The following ZNF335 variants were observed in gnomAD, a reference collection of about 807,000 sequenced individuals.
The protein encoded by ZNF335 is zinc finger protein 335, also known as NRC-interacting factor 1.
ZNF335 carries 84 observed loss-of-function variants against 145.6 expected under a neutral mutation model. That is an observed-to-expected ratio of 0.58 (90% CI 0.48 to 0.69). ZNF335 has a LOEUF of 0.69. Among genes scored for constraint, ZNF335 ranks in the 30% least tolerant of loss-of-function variants. ZNF335 has a pLI of 0.00. For synonymous variants in ZNF335, 761 were observed against 717.0 expected (o/e 1.06, Z -0.98); for missense variants, 1,865 against 1,809.7 (o/e 1.03, Z -0.55).
chr20:45,954,411 T>C (rs1436832093), intron 17 of ZNF335, among the ~76,000 whole-genome samples: 1 of 152,216 alleles, frequency 6.6e-6, no homozygotes, highest in African/African-American at 2.4e-5. Flanking sequence ...CTTATTCCAG[T>C]TGGCTTCAAA....
Position 45,952,262 on chromosome 20 carries a change from G to C in ZNF335, c.3074C>G (p.Ala1025Gly). 1.2e-6 allele frequency: 2 copies of C among 1,613,454 alleles called. No individual in the cohort carries two copies. The highest frequency in any genetic ancestry group is 1.7e-6 in the Non-Finnish European group (2 of 1,180,034). ...CTCAGCTCGGCCAGGGAAGGCCTCG[G>C]CACAGATCTTGCAGGAAAACTTCTT... ...ASKKFSCKICAEAFPGRAEME... is the reference protein window; with the variant it reads ...ASKKFSCKICGEAFPGRAEME... Residue 1025 changes from alanine (A) to glycine (G), a missense_variant, in exon 20 of 28, where the codon GCC becomes GGC. By Grantham distance (60) the Ala-to-Gly change is moderately conservative. Transcript: ENST00000322927.
In ZNF335 at chr20:45,963,657, G is replaced by A. The variant is rs749253404; in HGVS notation, c.1356-7C>T. 18 of 1,614,024 alleles carry A rather than the reference G, an allele frequency of 1.1e-5. No homozygotes were observed. Among genetic ancestry groups the A allele is most frequent in the Non-Finnish European group, 1.5e-5 (18 of 1,179,860 alleles). On this transcript the variant is annotated splice_region_variant and splice_polypyrimidine_tract_variant and intron_variant, in intron 8 of 27. Transcript: ENST00000322927. Reference sequence around the variant, plus strand: ...GGGCGACTTGTAATAGTACCTGCAGGATGAGAGTGTGGCGGAAAGGTCTGG... The same window carrying A: ...GGGCGACTTGTAATAGTACCTGCAGAATGAGAGTGTGGCGGAAAGGTCTGG...
At chr20:45,959,486 C>T (rs1600533089) in intron 14 of ZNF335, 53 bp from the exon 15 acceptor site, 2 of 1,300,760 alleles carry the variant, frequency 1.5e-6, no homozygotes, top group Non-Finnish European at 2.0e-6. Flanking sequence ...AGCCTACCCC[C>T]TCCAGGAATC....
chr20:45,969,652 G>T lies in ZNF335; in HGVS notation c.241C>A (p.Pro81Thr), dbSNP rs1475230298. The change falls in exon 3 of 28, where the codon CCT becomes ACT. Residue 81 changes from proline to threonine, a missense_variant. Coordinates refer to ENST00000322927, the MANE Select transcript of ZNF335 (RefSeq NM_022095.4). ...SESSSSADPL[P>T]NSYLPDSSSV... ...GATGAATCAGGGAGGTAGCTATTAG[G>T]CAGGGGGTCTGCGCTCGAGCTGCTC... The T allele has an allele frequency of 1.7e-5, 28 of 1,612,194 alleles. No individual in the cohort carries two copies. Among genetic ancestry groups the T allele is most frequent in the Non-Finnish European group, 2.3e-5 (27 of 1,179,304 alleles).
chr20:45,963,473 C>G lies in ZNF335; in HGVS notation c.1533G>C (p.Lys511Asn). 1 of 1,610,664 alleles carries G rather than the reference C, an allele frequency of 6.2e-7. No individual in the cohort carries two copies. The highest frequency in any genetic ancestry group is 8.5e-7 in the Non-Finnish European group (1 of 1,177,240). Residue 511 changes from lysine to asparagine, a missense_variant and splice_region_variant, in exon 9 of 28, where the codon AAG becomes AAC. By Grantham distance (94) the Lys-to-Asn change is moderately conservative (BLOSUM62 0). Coordinates refer to ENST00000322927, the MANE Select transcript of ZNF335 (RefSeq NM_022095.4). ...CCCCAAGCCTCTTTGGCTCCCGCAC[C>G]TTGAGCGAGGACCAGCGGCGGGAAC... ...SYRSRRWSSL[K>N]EHMFNHVGSK... is the part of the protein sequence containing the mutation.
At position 45,960,055 on chromosome 20, in the gene ZNF335, G is replaced by A. The variant is rs6130979; in HGVS notation, c.2020+153C>T. On this transcript the variant is annotated intron_variant, in intron 14 of 27. Transcript: ENST00000322927. Reference sequence around the variant, plus strand: ...CCCAGGCTCAGGTTAGGGTGAATACGCCTATGGGAAATTCTCTTTACACTT... The same window carrying A: ...CCCAGGCTCAGGTTAGGGTGAATACACCTATGGGAAATTCTCTTTACACTT... 2.8e-4 allele frequency among the ~76,000 whole-genome samples: 42 copies of A among 152,334 alleles called. 1 individual carries two copies. In the East Asian group the frequency reaches 6.4e-3, roughly 23 times the overall value.
chr20:45,971,764 A>G, intron 1 of ZNF335: 9 of 985,374 alleles, frequency 9.1e-6, no homozygotes, highest in Non-Finnish European at 1.1e-5. Flanking sequence ...CCAGTGGTTC[A>G]GCCCTTCGGC....
chr20:45,950,189 G>A, intron 22 of ZNF335, 30 bp downstream of exon 22: 3 of 1,559,524 alleles, frequency 1.9e-6, no homozygotes, highest in Non-Finnish European at 2.6e-6. Flanking sequence ...CTACCCTGTT[G>A]CCCACCCTGT....
At chr20:45,954,709 G>A (rs1568810767) in intron 17 of ZNF335, among the ~76,000 whole-genome samples, 2 of 149,076 alleles carry the variant, frequency 1.3e-5, no homozygotes, top group Non-Finnish European at 1.5e-5. Context: ...CTTTAGAAAG[G>A]AATAAAATGG....
At chr20:45,952,019 T>A in intron 20 of ZNF335, 128 bp downstream of exon 20, 1 of 1,365,750 alleles carries the variant, frequency 7.3e-7, no homozygotes, top group Non-Finnish European at 9.7e-7. Flanking sequence ...CGGAGTCATC[T>A]CTGACCCATC....
chr20:45,965,572 G>C (rs1443573614), intron 7 of ZNF335, 56 bp downstream of exon 7: 1 of 1,547,498 alleles, frequency 6.5e-7, no homozygotes. Context: ...AGACAAGCAG[G>C]GAGAGAGGCC....
rs759141702 is a variant in ZNF335, at chr20:45,967,821, GCAC to G, written c.724_726del (p.Val242del). ...TGGCACATCTTGCATTTGAACTGCT[GCAC>G]CACCACCACCTCCATCATGGCCTCC... On this transcript the variant is annotated inframe_deletion, in exon 5 of 28. Coordinates refer to ENST00000322927, the MANE Select transcript of ZNF335 (RefSeq NM_022095.4). The G allele has an allele frequency of 6.8e-6, 11 of 1,613,492 alleles. No homozygotes were observed. The Admixed American group carries it at 1.0e-4, about 15-fold the overall frequency.
intron 10 of ZNF335, 55 bp from the exon 11 acceptor site, chr20:45,960,937 C>A (rs1446827419): frequency 5.6e-6 from 9 of 1,607,238 alleles, no homozygotes; most frequent in East Asian, 2.2e-5. Context: ...CCACTCTAGA[C>A]CCTCTCACAC....
At position 45,969,666 on chromosome 20, in the gene ZNF335, C is replaced by T. The variant is rs1396569306; in HGVS notation, c.227G>A (p.Ser76Asn). The change falls in exon 3 of 28, where the codon AGC becomes AAC. Residue 76 changes from serine to asparagine, a missense_variant. Transcript: ENST00000322927. ...SQEEVSESSS[S>N]ADPLPNSYLP... is the part of the protein sequence containing the mutation. ...GTAGCTATTAGGCAGGGGGTCTGCG[C>T]TCGAGCTGCTCTCAGATACCTCCTC... 2 of 1,611,906 alleles carry T rather than the reference C, an allele frequency of 1.2e-6. No homozygotes were observed. The highest frequency in any genetic ancestry group is 1.7e-6 in the Non-Finnish European group (2 of 1,179,154).
intron 1 of ZNF335, chr20:45,971,879 G>T: frequency 1.0e-6 from 1 of 985,356 alleles, no homozygotes; most frequent in South Asian, 4.7e-5. Flanking sequence ...TGACAGCGAC[G>T]GTCTCGGGGC....
At chr20:45,968,184 A>G (rs2145416534) in intron 4 of ZNF335, 101 bp downstream of exon 4, 2 of 1,506,236 alleles carry the variant, frequency 1.3e-6, no homozygotes, top group East Asian at 2.3e-5. Flanking sequence ...AGAGCAGTGG[A>G]TACCCAGCCA....
At position 45,949,151 on chromosome 20, in the gene ZNF335, T is replaced by G; in HGVS notation, c.3901+19A>C. 6.2e-7 allele frequency: 1 copy of G among 1,613,584 alleles called. No homozygotes were observed. The highest frequency in any genetic ancestry group is 8.5e-7 in the Non-Finnish European group (1 of 1,179,928). On this transcript the variant is annotated intron_variant, in intron 27 of 27. Coordinates refer to ENST00000322927, the MANE Select transcript of ZNF335 (RefSeq NM_022095.4). ...GGGTCCATACCCAGCCCCATGCTCC[T>G]CAGGATCCAGCTCCATACCTGTGAC...
At chr20:45,952,963 G>A (rs556483600) in intron 18 of ZNF335, among the ~76,000 whole-genome samples, 1 of 151,892 alleles carries the variant, frequency 6.6e-6, no homozygotes. Flanking sequence ...GAGGTGGGGG[G>A]CACACAGTGA....
intron 6 of ZNF335, 86 bp from the exon 7 acceptor site, chr20:45,965,860 C>G (rs1230860470): frequency 1.4e-6 from 2 of 1,439,116 alleles, no homozygotes; most frequent in African/African-American, 1.5e-5. Context: ...ACTTCCCTAC[C>G]CCTGCATACT....
Sources: allele counts gnomAD v4.1 joint callset (sites outside exome capture counted in the v4.1 genomes callset), GRCh38; gene constraint gnomAD v4.1.1; transcripts MANE v1.5; gene names NCBI Gene and HGNC (gene_info 2026-07-23, HGNC 2026-07-21).